Variants in IQGAP2 observed in about 807,000 individuals in gnomAD.
The protein encoded by IQGAP2 is ras GTPase-activating-like protein IQGAP2.
In IQGAP2, 173 loss-of-function variants were observed where a neutral mutation model predicts 201.3. The observed-to-expected ratio is 0.86, with a 90% CI of 0.76 to 0.98. The LOEUF is 0.98. Ranked by LOEUF, IQGAP2 falls within the 50% of genes least tolerant of loss-of-function variation. The probability of loss-of-function intolerance (pLI) is 0.00; values close to 1 mark genes in which losing one functional copy is unlikely to be tolerated. For synonymous variants in IQGAP2, 675 were observed against 673.9 expected, an observed-to-expected ratio of 1.00 and a Z score of -0.03; for missense variants, 1,687 against 1,864.8, an observed-to-expected ratio of 0.90 and a Z score of 1.76.
At chr5:76,655,162 A>G (rs1752812844) in intron 20 of IQGAP2, among the ~76,000 whole-genome samples, 159 bp downstream of exon 20, 3 of 152,172 alleles carry the variant, frequency 2.0e-5, no homozygotes, top group Admixed American at 6.5e-5. Flanking sequence ...CTAAACCAGT[A>G]CACAGAGGAG....
chr5:76,412,026 T>G (rs577142319), intron 1 of IQGAP2, among the ~76,000 whole-genome samples: 1 of 152,322 alleles, frequency 6.6e-6, no homozygotes, highest in African/African-American at 2.4e-5. Flanking sequence ...TCCATTTTTT[T>G]TCTCTCCAGG....
At chr5:76,617,252 C>T (rs968600230) in intron 13 of IQGAP2, 6 of 200,000 alleles carry the variant, frequency 3.0e-5, no homozygotes, top group Non-Finnish European at 6.2e-5. Flanking sequence ...CAAGACCAGC[C>T]TGGTCAACAT....
At chr5:76,598,063 T>A (rs1747166547) in intron 10 of IQGAP2, among the ~76,000 whole-genome samples, 1 of 152,156 alleles carries the variant, frequency 6.6e-6, no homozygotes, top group Non-Finnish European at 1.5e-5. Context: ...CAACAATAAT[T>A]TCATACAAGG....
At chr5:76,500,017 A>C (rs939603790) in intron 2 of IQGAP2, among the ~76,000 whole-genome samples, 1 of 152,140 alleles carries the variant, frequency 6.6e-6, no homozygotes, top group African/African-American at 2.4e-5. Flanking sequence ...CTGAGTCAGG[A>C]AGATTGCTTG....
At chr5:76,674,893 C>A (rs917215426) in intron 27 of IQGAP2, among the ~76,000 whole-genome samples, 184 bp downstream of exon 27, 2 of 152,254 alleles carry the variant, frequency 1.3e-5, no homozygotes, top group South Asian at 2.1e-4. Flanking sequence ...CTCTGTCTGG[C>A]GATCCTATCG....
chr5:76,686,335 T>G (rs1006358212), intron 30 of IQGAP2, among the ~76,000 whole-genome samples: 4 of 115,802 alleles, frequency 3.5e-5, no homozygotes, highest in African/African-American at 1.4e-4. Flanking sequence ...AGTTTATCTG[T>G]TTTTTTTGTT....
At chr5:76,530,868 A>G (rs926967548) in intron 2 of IQGAP2, among the ~76,000 whole-genome samples, 1 of 152,228 alleles carries the variant, frequency 6.6e-6, no homozygotes, top group African/African-American at 2.4e-5. Flanking sequence ...TCCATTCAGA[A>G]TGCACTTGAA....
At chr5:76,680,930 C>T (rs1745225654) in intron 28 of IQGAP2, among the ~76,000 whole-genome samples, 1 of 150,652 alleles carries the variant, frequency 6.6e-6, no homozygotes. Flanking sequence ...CATGGAGAAA[C>T]CCTATCTTTA....
At chr5:76,568,708 G>A (rs533704236) in intron 3 of IQGAP2, among the ~76,000 whole-genome samples, 11 of 152,164 alleles carry the variant, frequency 7.2e-5, no homozygotes, top group Non-Finnish European at 1.5e-4. Context: ...TTCTAGTAGG[G>A]ATTTAGGGAA....
chr5:76,496,741 C>CTTTCT (rs1554061572), intron 2 of IQGAP2, among the ~76,000 whole-genome samples: 630 of 47,888 alleles, frequency 0.013, 42 homozygotes, highest in African/African-American at 0.06. Context: ...TTCTTTCTTT[C>CTTTCT]TTTCTTTCTT....
chr5:76,705,275 G>T (rs980584530), intron 35 of IQGAP2, among the ~76,000 whole-genome samples: 2 of 152,158 alleles, frequency 1.3e-5, no homozygotes, highest in African/African-American at 4.8e-5. Flanking sequence ...CTTACAAAGG[G>T]TTTGCATATA....
chr5:76,436,507 ATATATATATATTTTTTTTTTT>A (rs1752688085), intron 1 of IQGAP2, among the ~76,000 whole-genome samples: 1 of 24,832 alleles, frequency 4.0e-5, no homozygotes, highest in Non-Finnish European at 6.2e-5. Flanking sequence ...ATATATATAT[ATATATATATATTTTTTTTTTT>A]TTTTTTTTTT....
At chr5:76,427,620 C>T (rs1426617118) in intron 1 of IQGAP2, among the ~76,000 whole-genome samples, 1 of 152,214 alleles carries the variant, frequency 6.6e-6, no homozygotes, top group Non-Finnish European at 1.5e-5. Flanking sequence ...GTGCTTCCCA[C>T]ACTTGAATGC....
intron 1 of IQGAP2, among the ~76,000 whole-genome samples, chr5:76,449,931 T>G (rs1001735793): frequency 6.6e-6 from 1 of 152,194 alleles, no homozygotes; most frequent in African/African-American, 2.4e-5. Flanking sequence ...ATATTTAAGG[T>G]AGTTGCTGTT....
intron 19 of IQGAP2, among the ~76,000 whole-genome samples, 191 bp downstream of exon 19, chr5:76,654,462 A>G (rs1183460710): frequency 3.3e-5 from 5 of 152,228 alleles, no homozygotes; most frequent in Non-Finnish European, 5.9e-5. Context: ...TGAGAGTTAG[A>G]CTTCACCAGT....
chr5:76,484,572 A>T lies in IQGAP2; in HGVS notation c.146+22903A>T, dbSNP rs569105455. Among the ~76,000 whole-genome samples, 320 of 151,820 alleles carry T rather than the reference A, an allele frequency of 2.1e-3. 2 individuals are homozygous for T. The highest frequency in any genetic ancestry group is 9.3e-3 in the East Asian group (48 of 5,146). On this transcript the variant is annotated intron_variant, in intron 2 of 35. Coordinates refer to ENST00000274364, the MANE Select transcript of IQGAP2 (RefSeq NM_006633.5). ...ATGAAGCACTTTTCCTTTAAAAAAA[A>T]TTTTTTTTTCTTTAGAAACGGGGTC...
chr5:76,443,767 A>G (rs1263765946), intron 1 of IQGAP2, among the ~76,000 whole-genome samples: 1 of 152,230 alleles, frequency 6.6e-6, no homozygotes, highest in East Asian at 1.9e-4. Context: ...GTTTTGTCAA[A>G]GAGCAAGTGT....
intron 3 of IQGAP2, among the ~76,000 whole-genome samples, chr5:76,569,756 C>A (rs1349821994): frequency 6.6e-6 from 1 of 152,050 alleles, no homozygotes; most frequent in African/African-American, 2.4e-5. Context: ...TTAAAAATTA[C>A]AATAAATAGA....
chr5:76,641,652 C>A (rs1474129053), intron 17 of IQGAP2, among the ~76,000 whole-genome samples: 1 of 152,156 alleles, frequency 6.6e-6, no homozygotes, highest in Non-Finnish European at 1.5e-5. Flanking sequence ...TCTAAACTTT[C>A]TGATTGGCAG....
Sources: gnomAD v4.1 joint callset for allele counts (sites outside exome capture counted in the v4.1 genomes callset) on GRCh38, gnomAD v4.1.1 for gene constraint, MANE v1.5 for transcripts, NCBI Gene and HGNC (gene_info 2026-07-23, HGNC 2026-07-21) for gene names.